Variants in SYT2 observed in about 807,000 individuals in gnomAD.
The protein encoded by SYT2 is synaptotagmin 2, also known as synaptotagmin-2.
In SYT2, 15 loss-of-function variants were observed where a neutral mutation model predicts 39.9. The observed-to-expected ratio is 0.38, with a 90% confidence interval of 0.25 to 0.58. The LOEUF is 0.58. Among genes scored for constraint, SYT2 ranks in the 20% least tolerant of loss-of-function variants. SYT2 has a pLI of 0.70. For missense variants in SYT2, 389 were observed against 530.3 expected (o/e 0.73, Z 2.62); for synonymous variants, 181 against 204.5 (o/e 0.89, Z 0.98).
chr1:202,688,032 G>A (rs1020826709), intron 1 of SYT2, among the ~76,000 whole-genome samples: 1 of 152,154 alleles, frequency 6.6e-6, no homozygotes, highest in Non-Finnish European at 1.5e-5. Flanking sequence ...CAGCCCATCT[G>A]GTCAGCGCAG....
In SYT2 at chr1:202,614,400, A is replaced by G. The variant is rs1375354609; in HGVS notation, c.-17-8611T>C. On this transcript the variant is annotated intron_variant, in intron 1 of 8. Transcript: ENST00000367268. The surrounding 1 kb of genome is among the most constrained non-coding windows in gnomAD (Gnocchi z 4.0). ...GTTGGTTCCACAGACCAGAAATGGT[A>G]AAGACCTGCACTAGGATGGGAAGGT... 6.6e-6 allele frequency among the ~76,000 whole-genome samples: 1 copy of G among 152,240 alleles called. No homozygotes were observed. The highest frequency in any genetic ancestry group is 1.5e-5 in the Non-Finnish European group (1 of 68,042).
intron 1 of SYT2, among the ~76,000 whole-genome samples, chr1:202,650,766 C>T (rs1308008642): frequency 6.6e-6 from 1 of 152,162 alleles, no homozygotes; most frequent in Non-Finnish European, 1.5e-5. Flanking sequence ...GCAGTGTGCA[C>T]AAAAGACCGT....
intron 1 of SYT2, among the ~76,000 whole-genome samples, chr1:202,691,365 T>C (rs1273798546): frequency 2.6e-5 from 4 of 152,066 alleles, no homozygotes; most frequent in South Asian, 2.1e-4. Flanking sequence ...ACATGTAGAT[T>C]GGCCAGGCAC....
At position 202,603,041 on chromosome 1, in the gene SYT2, G is replaced by T. The variant is rs1163294030; in HGVS notation, c.423C>A (p.Gly141=). 1.2e-6 allele frequency: 2 copies of T among 1,613,642 alleles called. No individual in the cohort carries two copies. Among genetic ancestry groups the T allele is most frequent in the Admixed American group, 1.7e-5 (1 of 59,960 alleles). The change falls in exon 4 of 9, where the codon GGC becomes GGA. Residue 141 remains glycine (G), a synonymous_variant. Transcript: ENST00000367268. ...GEEEKEPENL[G]KLQFSLDYDF... ...CATAGTCCAGGGAAAACTGCAGTTT[G>T]CCCAGGTTCTCTGGCTCTTTCTCCT...
chr1:202,677,464 A>G (rs927221680), intron 1 of SYT2, among the ~76,000 whole-genome samples: 16 of 152,250 alleles, frequency 1.1e-4, no homozygotes, highest in South Asian at 2.1e-4. Context: ...AGGAAGCTCA[A>G]GAAGTCCATG....
intron 7 of SYT2, 34 bp downstream of exon 7, chr1:202,600,323 G>T: frequency 6.3e-7 from 1 of 1,576,504 alleles, no homozygotes; most frequent in Non-Finnish European, 8.7e-7. Flanking sequence ...GCTCGCTGGT[G>T]CCACCCAATG....
At chr1:202,652,708 T>C (rs1325805655) in intron 1 of SYT2, among the ~76,000 whole-genome samples, 3 of 152,190 alleles carry the variant, frequency 2.0e-5, no homozygotes, top group Non-Finnish European at 2.9e-5. Flanking sequence ...TCATTCTCCA[T>C]GTAGCCAAGG....
At position 202,614,612 on chromosome 1, in the gene SYT2, A is replaced by G. The variant is rs1301130098; in HGVS notation, c.-17-8823T>C. Among the ~76,000 whole-genome samples, 1 of 152,262 alleles carries G rather than the reference A, an allele frequency of 6.6e-6. No individual in the cohort carries two copies. Among genetic ancestry groups the G allele is most frequent in the East Asian group, 1.9e-4 (1 of 5,206 alleles). ...AGCCATCTGGTGGTGGTGAGCATTT[A>G]TAATGGGGCATACGTGAATTAATCT... On this transcript the variant is annotated intron_variant, in intron 1 of 8. Transcript: ENST00000367268. The surrounding 1 kb of genome is among the most constrained non-coding windows in gnomAD (Gnocchi z 4.0).
intron 1 of SYT2, among the ~76,000 whole-genome samples, chr1:202,695,680 G>A (rs150982370): frequency 1.1e-3 from 167 of 152,298 alleles, no homozygotes; most frequent in African/African-American, 4.0e-3. Flanking sequence ...CAGACATCCA[G>A]ACAGCACTGA....
intron 1 of SYT2, among the ~76,000 whole-genome samples, chr1:202,630,612 A>AAGCGC (rs1691557633): frequency 2.0e-5 from 3 of 152,096 alleles, no homozygotes; most frequent in Admixed American, 1.3e-4. Context: ...CCACCCTGGA[A>AAGCGC]AGTGCAGTGA....
Position 202,674,188 on chromosome 1 carries a change from G to A in SYT2, c.-18+36070C>T, listed in dbSNP as rs193182790. Among the ~76,000 whole-genome samples the A allele has an allele frequency of 4.6e-3, 701 of 152,172 alleles. 3 individuals carry two copies. Among genetic ancestry groups the A allele is most frequent in the African/African-American group, 0.011 (438 of 41,516 alleles). ...GTGATCTTGTGTCGCTGCAACCTCC[G>A]CCTCCTGGGTTCAAGCAATTCTCGT... On this transcript the variant is annotated intron_variant, in intron 1 of 8. Transcript: ENST00000367268.
In SYT2 at chr1:202,599,211, C is replaced by T. The variant is rs757336046; in HGVS notation, c.1053+7G>A. 1.1e-5 allele frequency: 18 copies of T among 1,613,066 alleles called. No individual in the cohort carries two copies. Among genetic ancestry groups the T allele is most frequent in the Non-Finnish European group, 1.4e-5 (17 of 1,179,618 alleles). ...GCTCCATGCCTAGGAACCCAGGGCT[C>T]CAGCACCTGAATCTGCTCGAAGGGG... On this transcript the variant is annotated splice_region_variant and intron_variant, in intron 8 of 8. Coordinates refer to ENST00000367268, the MANE Select transcript of SYT2 (RefSeq NM_177402.5). The surrounding 1 kb of genome is among the most constrained non-coding windows in gnomAD (Gnocchi z 4.4).
rs2149058265 is a variant in SYT2, at chr1:202,592,000, A to G, written c.*4757T>C. 6.5e-6 allele frequency: 1 copy of G among 152,986 alleles called. No individual in the cohort carries two copies. The highest frequency in any genetic ancestry group is 2.1e-4 in the South Asian group (1 of 4,826). The allele number at this position is 152,986 out of a possible 1,614,324, so 9.5% of individuals were successfully genotyped here. On this transcript the variant is annotated 3_prime_UTR_variant, in exon 9 of 9. Coordinates refer to ENST00000367268, the MANE Select transcript of SYT2 (RefSeq NM_177402.5). Reference sequence around the variant, plus strand: ...GCCCTGGACACCGTCCATTCTCATGACACGGGACTGAGGGAGCAGGAGGGA... The same window carrying G: ...GCCCTGGACACCGTCCATTCTCATGGCACGGGACTGAGGGAGCAGGAGGGA...
At chr1:202,622,404 G>A (rs547255373) in intron 1 of SYT2, among the ~76,000 whole-genome samples, 29 of 152,266 alleles carry the variant, frequency 1.9e-4, no homozygotes, top group African/African-American at 6.0e-4. Flanking sequence ...TTGTCATTCC[G>A]CACACGTAGA....
intron 1 of SYT2, among the ~76,000 whole-genome samples, chr1:202,705,457 T>C (rs1300259756): frequency 6.6e-6 from 1 of 152,192 alleles, no homozygotes; most frequent in Non-Finnish European, 1.5e-5. Flanking sequence ...AAAGCTGAAA[T>C]CCTGAGGTCC....
intron 1 of SYT2, among the ~76,000 whole-genome samples, chr1:202,688,666 G>T (rs2149115978): frequency 6.6e-6 from 1 of 152,338 alleles, no homozygotes; most frequent in Admixed American, 6.5e-5. Context: ...TGCAGCCCAA[G>T]GAACAAGAGG....
intron 1 of SYT2, among the ~76,000 whole-genome samples, chr1:202,696,259 G>A (rs979220363): frequency 2.6e-5 from 4 of 152,022 alleles, no homozygotes; most frequent in African/African-American, 9.7e-5. Context: ...ACCCTTCCAG[G>A]GGTGGTGTAA....
At chr1:202,687,475 TG>T (rs1473790624) in intron 1 of SYT2, among the ~76,000 whole-genome samples, 1 of 152,092 alleles carries the variant, frequency 6.6e-6, no homozygotes, top group African/African-American at 2.4e-5. Context: ...AACCTAGCTC[TG>T]GGTGGGGTGT....
chr1:202,662,544 A>G (rs1220387066), intron 1 of SYT2, among the ~76,000 whole-genome samples: 1 of 152,234 alleles, frequency 6.6e-6, no homozygotes, highest in African/African-American at 2.4e-5. Context: ...CGGCTCAGGT[A>G]CATCATTAAC....
Sources: gnomAD v4.1 joint callset for allele counts (sites outside exome capture counted in the v4.1 genomes callset) on GRCh38, gnomAD v4.1.1 for gene constraint, Gnocchi (gnomAD v3.1) non-coding constraint, MANE v1.5 for transcripts, NCBI Gene and HGNC (gene_info 2026-07-23, HGNC 2026-07-21) for gene names.